Variants in CMC1 observed in about 807,000 individuals in gnomAD.
CMC1 encodes the protein C-X9-C motif containing 1.
Under a neutral mutation model 14.1 loss-of-function variants are expected in CMC1, and 14 were observed. That is an observed-to-expected ratio of 0.99 (90% confidence interval 0.66 to 1.55). The LOEUF is 1.55. Among genes scored for constraint, CMC1 ranks in the 40% most tolerant of loss-of-function variants. CMC1 has a pLI of 0.00. For missense variants in CMC1, 127 were observed against 123.8 expected, an observed-to-expected ratio of 1.03 and a Z score of -0.12; for synonymous variants, 50 against 38.4, an observed-to-expected ratio of 1.30 and a Z score of -1.12.
chr3:28,274,067 T>C (rs996924969), intron 2 of CMC1, among the ~76,000 whole-genome samples: 2 of 152,084 alleles, frequency 1.3e-5, no homozygotes, highest in African/African-American at 4.8e-5. Flanking sequence ...GTCTTCTAAT[T>C]GGGGGCATTT....
intron 2 of CMC1, among the ~76,000 whole-genome samples, chr3:28,301,631 T>C (rs1313831919): frequency 1.4e-5 from 2 of 147,246 alleles, no homozygotes; most frequent in Non-Finnish European, 2.9e-5. Context: ...GGATGCTGTT[T>C]TTTTTTTTTA....
At chr3:28,249,104 T>G (rs1179781073) in intron 1 of CMC1, among the ~76,000 whole-genome samples, 3 of 152,238 alleles carry the variant, frequency 2.0e-5, no homozygotes, top group East Asian at 1.9e-4. Context: ...TTTGCATTTT[T>G]AAGTAAGAAG....
chr3:28,301,989 A>G (rs1702073883), intron 2 of CMC1, among the ~76,000 whole-genome samples: 1 of 152,156 alleles, frequency 6.6e-6, no homozygotes. Flanking sequence ...TTAAACAGTA[A>G]GATGGAGTAG....
intron 2 of CMC1, among the ~76,000 whole-genome samples, chr3:28,283,154 T>C (rs1314475372): frequency 6.6e-6 from 1 of 152,154 alleles, no homozygotes; most frequent in Non-Finnish European, 1.5e-5. Flanking sequence ...AAGTGCTTTA[T>C]GTAAAATATT....
intron 3 of CMC1, 35 bp from the exon 4 acceptor site, chr3:28,319,474 A>G (rs1356369679): frequency 1.3e-6 from 2 of 1,551,432 alleles, no homozygotes; most frequent in East Asian, 4.5e-5. Context: ...ATGCAGGATT[A>G]TTTACTTGAA....
At chr3:28,256,930 A>G (rs1001327518) in intron 1 of CMC1, among the ~76,000 whole-genome samples, 3 of 152,240 alleles carry the variant, frequency 2.0e-5, no homozygotes, top group African/African-American at 7.2e-5. Context: ...TATTGATTAT[A>G]AGGACAACAT....
rs1239664314 is a variant in CMC1, at chr3:28,324,543, C to A, written c.*4914C>A. ...CACTTCACCAATTTGAATTCTAGAA[C>A]TGGTGATGAAATTAAGATTTCCAAG... On this transcript the variant is annotated 3_prime_UTR_variant, in exon 4 of 4. Transcript: ENST00000466830. The A allele has an allele frequency of 2.5e-6, 3 of 1,192,168 alleles. No homozygotes were observed. The highest frequency in any genetic ancestry group is 3.3e-6 in the Non-Finnish European group (3 of 898,228). The allele number at this position is 1,192,168 out of a possible 1,614,324, so 73.8% of individuals were successfully genotyped here.
chr3:28,252,146 A>G (rs548454279), intron 1 of CMC1, among the ~76,000 whole-genome samples: 1 of 152,330 alleles, frequency 6.6e-6, no homozygotes, highest in African/African-American at 2.4e-5. Context: ...CCTCTTGGTT[A>G]AAGCAGTGTG....
intron 2 of CMC1, chr3:28,292,667 A>C (rs1701533884): frequency 6.6e-6 from 1 of 152,166 alleles, no homozygotes; most frequent in African/African-American, 2.4e-5. Flanking sequence ...TGGTTAGTAT[A>C]TAATAGGATG....
At chr3:28,298,455 T>A (rs1577070429) in intron 2 of CMC1, 1 of 148,354 alleles carries the variant, frequency 6.7e-6, no homozygotes, top group East Asian at 1.9e-4. Context: ...TAAAATATAT[T>A]TTTATATATA....
At position 28,300,085 on chromosome 3, in the gene CMC1, T is replaced by C. The variant is rs1222745540; in HGVS notation, c.110-16248T>C. Among the ~76,000 whole-genome samples, 3 of 152,136 alleles carry C rather than the reference T, an allele frequency of 2.0e-5. No individual in the cohort carries two copies. In the East Asian group the frequency reaches 5.8e-4, roughly 29 times the overall value. ...TAAATTTAGTATAACATGTCTGTTA[T>C]TTCCTCCTTTTTTTCCCTTAAAACT... On this transcript the variant is annotated intron_variant, in intron 2 of 3. Transcript: ENST00000466830.
In CMC1 at chr3:28,324,352, G is replaced by T; in HGVS notation, c.*4723G>T. 1 of 1,596,962 alleles carries T rather than the reference G, an allele frequency of 6.3e-7. No individual in the cohort carries two copies. The highest frequency in any genetic ancestry group is 1.7e-5 in the Admixed American group (1 of 58,164). ...GGTATGACAAAGAGCTTTGCCATTT[G>T]GTAAGAGAGGGGGATGTCTTGTGTA... On this transcript the variant is annotated 3_prime_UTR_variant, in exon 4 of 4. Coordinates refer to ENST00000466830, the MANE Select transcript of CMC1 (RefSeq NM_182523.2).
intron 2 of CMC1, among the ~76,000 whole-genome samples, chr3:28,305,364 T>G (rs1158728662): frequency 6.6e-6 from 1 of 152,212 alleles, no homozygotes; most frequent in Non-Finnish European, 1.5e-5. Flanking sequence ...ACTTTGCTGT[T>G]GTGAGTAGTG....
intron 1 of CMC1, among the ~76,000 whole-genome samples, chr3:28,244,802 T>A (rs919070876): frequency 2.0e-5 from 3 of 151,086 alleles, no homozygotes; most frequent in Non-Finnish European, 4.4e-5. Flanking sequence ...CATGGTCAAA[T>A]CTAACAATGT....
chr3:28,307,110 G>A (rs1702358092), intron 2 of CMC1, among the ~76,000 whole-genome samples: 1 of 152,114 alleles, frequency 6.6e-6, no homozygotes, highest in Admixed American at 6.5e-5. Flanking sequence ...TTTGGATCAA[G>A]TACATTTCAA....
At chr3:28,307,063 C>T (rs1035768453) in intron 2 of CMC1, among the ~76,000 whole-genome samples, 9 of 152,152 alleles carry the variant, frequency 5.9e-5, no homozygotes, top group Non-Finnish European at 8.8e-5. Flanking sequence ...AATACTATTT[C>T]CTTTTAATCA....
At chr3:28,292,275 T>C (rs769214152) in intron 2 of CMC1, among the ~76,000 whole-genome samples, 5 of 152,064 alleles carry the variant, frequency 3.3e-5, no homozygotes, top group Non-Finnish European at 7.3e-5. Context: ...CTGTTTATCT[T>C]ATAGAATATT....
At chr3:28,286,160 TC>T (rs1701170887) in intron 2 of CMC1, among the ~76,000 whole-genome samples, 1 of 152,204 alleles carries the variant, frequency 6.6e-6, no homozygotes, top group South Asian at 2.1e-4. Context: ...ATCTAAGATA[TC>T]ATTGTTGGCC....
At chr3:28,311,204 G>T (rs1702623862) in intron 2 of CMC1, among the ~76,000 whole-genome samples, 1 of 151,168 alleles carries the variant, frequency 6.6e-6, no homozygotes, top group African/African-American at 2.4e-5. Context: ...TAGAATGTTT[G>T]CTGGAAAAGA....
Sources: gnomAD v4.1 joint callset for allele counts (sites outside exome capture counted in the v4.1 genomes callset) on GRCh38, gnomAD v4.1.1 for gene constraint, MANE v1.5 for transcripts, NCBI Gene and HGNC (gene_info 2026-07-23, HGNC 2026-07-21) for gene names.